The following HUWE1 variants were observed in gnomAD, a reference collection of about 807,000 sequenced individuals.
HUWE1 encodes the protein E3 ubiquitin-protein ligase HUWE1.
In HUWE1, 18 loss-of-function variants were observed where a neutral mutation model predicts 299.4. The observed-to-expected ratio is 0.06, with a 90% confidence interval of 0.04 to 0.09. The LOEUF is 0.09. HUWE1 is among the 10% of genes least tolerant of loss of function. HUWE1 has a pLI of 1.00. For synonymous variants in HUWE1, 1,317 were observed against 1,286.1 expected (o/e 1.02, Z -0.51); for missense variants, 1,832 against 3,462.3 (o/e 0.53, Z 11.82).
At position 53,603,520 on chromosome X, in the gene HUWE1, T is replaced by C; in HGVS notation, c.2743-19A>G. ...TTTCACTCTGCAATCATAACAAGAA[T>C]TTCACCTTTGGGATGTTCTCTGAAC... On this transcript the variant is annotated intron_variant, in intron 26 of 83. Coordinates refer to ENST00000262854, the MANE Select transcript of HUWE1 (RefSeq NM_031407.7). The C allele has an allele frequency of 8.3e-7, 1 of 1,205,109 alleles. No individual in the cohort carries two copies. The highest frequency in any genetic ancestry group is 1.1e-6 in the Non-Finnish European group (1 of 890,111).
In HUWE1 at chrX:53,585,000, G is replaced by A; in HGVS notation, c.5001+12C>T. Reference sequence around the variant, plus strand: ...TCCACGGGTTAGACAAGCTTGGTGAGTGAGCATGTACCTGCACCATTGTAG... The same window carrying A: ...TCCACGGGTTAGACAAGCTTGGTGAATGAGCATGTACCTGCACCATTGTAG... On this transcript the variant is annotated intron_variant, in intron 40 of 83. Transcript: ENST00000262854. 1 of 1,211,326 alleles carries A rather than the reference G, an allele frequency of 8.3e-7. No individual in the cohort carries two copies. Among genetic ancestry groups the A allele is most frequent in the African/African-American group, 1.7e-5 (1 of 57,927 alleles).
At chrX:53,580,613 T>C (rs1556966222) in intron 43 of HUWE1, among the ~76,000 whole-genome samples, 1 of 112,139 alleles carries the variant, frequency 8.9e-6, no homozygotes, top group Non-Finnish European at 1.9e-5. Flanking sequence ...CTAGAATGAA[T>C]GAGTCCTCAG....
intron 43 of HUWE1, 152 bp downstream of exon 43, chrX:53,580,679 A>C: frequency 1.9e-6 from 1 of 538,261 alleles, no homozygotes. Context: ...TGAAGTACCT[A>C]ATAAATTGAC....
At chrX:53,673,007 A>G (rs2069634803) in intron 3 of HUWE1, among the ~76,000 whole-genome samples, 1 of 112,055 alleles carries the variant, frequency 8.9e-6, no homozygotes, top group Non-Finnish European at 1.9e-5. Flanking sequence ...ATTCAGGAAA[A>G]CGTTTTCAAA....
At chrX:53,574,200 C>T (rs1456577310) in intron 46 of HUWE1, among the ~76,000 whole-genome samples, 2 of 111,941 alleles carry the variant, frequency 1.8e-5, no homozygotes, top group East Asian at 2.8e-4. Context: ...CCTCCATTTC[C>T]CTCCTTTTAC....
chrX:53,537,615 C>T lies in HUWE1; in HGVS notation c.12078G>A (p.Val4026=), dbSNP rs782549415. 2 of 1,209,071 alleles carry T rather than the reference C, an allele frequency of 1.7e-6. No individual in the cohort carries two copies. Among genetic ancestry groups the T allele is most frequent in the Non-Finnish European group, 1.1e-6 (1 of 893,515 alleles). ...DMAVHVRRDH[V]FEDSYRELHR... is the part of the protein sequence containing the mutation. ...GCAGCTCACGATAGGAGTCTTCAAACACATGGTCACGACGGACATGCACAG... is the reference window on the plus strand; with the variant it reads ...GCAGCTCACGATAGGAGTCTTCAAATACATGGTCACGACGGACATGCACAG... Residue 4026 remains valine, a synonymous_variant, in exon 78 of 84, where the codon GTG becomes GTA. Coordinates refer to ENST00000262854, the MANE Select transcript of HUWE1 (RefSeq NM_031407.7).
In HUWE1 at chrX:53,576,914, T is replaced by C. The variant is rs1182244853; in HGVS notation, c.5870A>G (p.His1957Arg). 2 of 1,208,877 alleles carry C rather than the reference T, an allele frequency of 1.7e-6. No individual in the cohort carries two copies. Among genetic ancestry groups the C allele is most frequent in the African/African-American group, 1.7e-5 (1 of 57,152 alleles). Reference protein sequence around the residue: ...YDMLNALAAYHAPEEADKSDP... With the variant: ...YDMLNALAAYRAPEEADKSDP... ...TAGCCACATACCTTCCTCTGGAGCA[T>C]GGTATGCAGCCAGAGCATTCAGCAT... The change falls in exon 44 of 84, where the codon CAT (histidine) becomes CGT (arginine). Residue 1957 changes from histidine to arginine, a missense_variant. Physicochemically the swap from His to Arg is conservative, Grantham distance 29 (BLOSUM62 0). This residue lies in a region of HUWE1 where 157 missense variants were observed against 252.3 expected (regional missense o/e 0.62). Coordinates refer to ENST00000262854, the MANE Select transcript of HUWE1 (RefSeq NM_031407.7).
intron 3 of HUWE1, among the ~76,000 whole-genome samples, chrX:53,671,027 A>G (rs1818815951): frequency 8.9e-6 from 1 of 112,189 alleles, no homozygotes; most frequent in African/African-American, 3.2e-5. Context: ...AGGCCAATTT[A>G]GCAATGAGTA....
chrX:53,538,720 ACACACTCTCTCTCTCTCTCT>A (rs2061190300), intron 76 of HUWE1, 95 bp downstream of exon 76: 1 of 539,280 alleles, frequency 1.9e-6, no homozygotes. Context: ...ACACACACAC[ACACACTCTCTCTCTCTCTCT>A]CTCTCTCTCT....
intron 15 of HUWE1, 141 bp downstream of exon 15, chrX:53,628,352 C>A (rs1436944705): frequency 1.6e-6 from 1 of 617,003 alleles, no homozygotes; most frequent in Admixed American, 4.0e-5. Flanking sequence ...CCAAACTGGC[C>A]TTCTACTTAA....
chrX:53,654,166 T>G (rs1184413486), intron 3 of HUWE1, 35 bp from the exon 4 acceptor site: 2 of 845,574 alleles, frequency 2.4e-6, no homozygotes. Flanking sequence ...AGTGAGAACT[T>G]AAAGCTACAA....
chrX:53,635,068 C>T (rs1388916200), intron 7 of HUWE1, among the ~76,000 whole-genome samples: 1 of 110,286 alleles, frequency 9.1e-6, no homozygotes, highest in Non-Finnish European at 1.9e-5. Context: ...AAATATATAT[C>T]TCCCTGCCTC....
At chrX:53,579,035 G>T (rs1341997641) in intron 43 of HUWE1, among the ~76,000 whole-genome samples, 1 of 79,288 alleles carries the variant, frequency 1.3e-5, no homozygotes, top group African/African-American at 5.1e-5. Context: ...GAGGCGGGGG[G>T]GGGGGTCGGC....
intron 25 of HUWE1, among the ~76,000 whole-genome samples, chrX:53,605,734 G>GA (rs1436634647): frequency 9.0e-6 from 1 of 111,715 alleles, no homozygotes; most frequent in Admixed American, 9.5e-5. Context: ...ACAAGTTGGG[G>GA]AAAAATTTTT....
intron 35 of HUWE1, among the ~76,000 whole-genome samples, chrX:53,590,183 TA>T (rs2064084442): frequency 8.9e-6 from 1 of 112,482 alleles, no homozygotes; most frequent in African/African-American, 3.2e-5. Flanking sequence ...TTGGGTCTCT[TA>T]TTTGACAATA....
At chrX:53,626,408 T>C (rs2066508481) in intron 17 of HUWE1, among the ~76,000 whole-genome samples, 1 of 111,013 alleles carries the variant, frequency 9.0e-6, no homozygotes, top group Non-Finnish European at 1.9e-5. Flanking sequence ...TTAATAAATA[T>C]AAAAAGCATG....
rs782087629 is a variant in HUWE1, at chrX:53,548,243, T to C, written c.10066A>G (p.Thr3356Ala). ...TCACTCTCACAGTTTGTTTCTTTGG[T>C]CCGCTGCTGTGTGAAGTGGCTGGGA... ...VFPSHFTQQR[T>A]KETNCESDRE... Residue 3356 changes from threonine to alanine, a missense_variant, in exon 68 of 84, where the codon ACC becomes GCC. Thr to Ala is a moderately conservative substitution (Grantham distance 58). Coordinates refer to ENST00000262854, the MANE Select transcript of HUWE1 (RefSeq NM_031407.7). 8.3e-7 allele frequency: 1 copy of C among 1,210,214 alleles called. No homozygotes were observed. The highest frequency in any genetic ancestry group is 2.2e-5 in the Admixed American group (1 of 45,998).
chrX:53,615,286 G>C (rs1246739944), intron 22 of HUWE1, among the ~76,000 whole-genome samples: 5 of 108,607 alleles, frequency 4.6e-5, no homozygotes, highest in Admixed American at 3.0e-4. Context: ...GTCTTGCAGT[G>C]GCATGATCTT....
In HUWE1 at chrX:53,540,355, G is replaced by C. The variant is rs1602518576; in HGVS notation, c.11477-543C>G. Among the ~76,000 whole-genome samples, 5 of 107,840 alleles carry C rather than the reference G, an allele frequency of 4.6e-5. No individual in the cohort carries two copies. In the South Asian group the frequency reaches 2.1e-3, roughly 45 times the overall value. 93.6% of individuals were successfully genotyped at this position (107,840 alleles called of 115,157 possible). On this transcript the variant is annotated intron_variant, in intron 74 of 83. Coordinates refer to ENST00000262854, the MANE Select transcript of HUWE1 (RefSeq NM_031407.7). Reference sequence around the variant, plus strand: ...CCTTTTTTTTTTTTTCCCTGAGACAGTCTCGTTCTGTCGCCCAGGCTGCAG... The same window carrying C: ...CCTTTTTTTTTTTTTCCCTGAGACACTCTCGTTCTGTCGCCCAGGCTGCAG...
Sources: allele counts gnomAD v4.1 joint callset (sites outside exome capture counted in the v4.1 genomes callset), GRCh38; gene constraint gnomAD v4.1.1; regional missense constraint gnomAD v4.1.1; transcripts MANE v1.5; gene names NCBI Gene and HGNC (gene_info 2026-07-23, HGNC 2026-07-21).